Variants in PCDHA9 observed in about 807,000 individuals in gnomAD.
PCDHA9 encodes protocadherin alpha 9.
PCDHA9 carries 62 observed loss-of-function variants against 62.0 expected under a neutral mutation model. That is an observed-to-expected ratio of 1.00 (90% CI 0.81 to 1.23). The LOEUF (loss-of-function observed/expected upper bound fraction) is 1.23. PCDHA9 is among the 50% of genes most tolerant of loss of function. PCDHA9 has a pLI of 0.00. For missense variants in PCDHA9, 1,205 were observed against 1,249.8 expected (o/e 0.96, Z 0.54); for synonymous variants, 557 against 567.6 (o/e 0.98, Z 0.27).
At chr5:140,885,809 T>G (rs1208963596) in intron 1 of PCDHA9, among the ~76,000 whole-genome samples, 1 of 152,320 alleles carries the variant, frequency 6.6e-6, no homozygotes, top group African/African-American at 2.4e-5. Flanking sequence ...ATTTTGTTGA[T>G]TTGTATTTGA....
chr5:141,004,148 C>T (rs971282591), intron 3 of PCDHA9, among the ~76,000 whole-genome samples: 1 of 152,222 alleles, frequency 6.6e-6, no homozygotes, highest in African/African-American at 2.4e-5. Context: ...AAAGGCATGA[C>T]ATTTTATAGG....
chr5:140,998,442 T>G lies in PCDHA9; in HGVS notation c.2543-11185T>G, dbSNP rs368931467. On this transcript the variant is annotated intron_variant, in intron 3 of 3. Coordinates refer to ENST00000532602, the MANE Select transcript of PCDHA9 (RefSeq NM_031857.2). ...GGTTTATCCTTTAACACTATTATTGTATTTATTCATTTACTTGTCTTTTCC... is the reference window on the plus strand; with the variant it reads ...GGTTTATCCTTTAACACTATTATTGGATTTATTCATTTACTTGTCTTTTCC... 1.7e-4 allele frequency among the ~76,000 whole-genome samples: 26 copies of G among 152,352 alleles called. No individual in the cohort carries two copies. In the South Asian group the frequency reaches 5.2e-3, roughly 30 times the overall value.
chr5:140,877,521 AG>A, intron 1 of PCDHA9: 1 of 1,613,770 alleles, frequency 6.2e-7, no homozygotes, highest in African/African-American at 1.3e-5. Context: ...CGCGGGCCTC[AG>A]TGGGCGCTGT....
At chr5:140,889,456 T>A (rs1328565593) in intron 1 of PCDHA9, among the ~76,000 whole-genome samples, 1 of 152,126 alleles carries the variant, frequency 6.6e-6, no homozygotes, top group Admixed American at 6.5e-5. Flanking sequence ...TTAATCTAAA[T>A]TTTCAGTTAT....
At chr5:140,861,440 C>T (rs575320775) in intron 1 of PCDHA9, 3 of 493,406 alleles carry the variant, frequency 6.1e-6, no homozygotes, top group South Asian at 4.7e-5. Context: ...ATTCCAAAAG[C>T]CGCAGAAACC....
intron 1 of PCDHA9, among the ~76,000 whole-genome samples, chr5:140,936,121 G>C (rs1381895785): frequency 6.6e-6 from 1 of 152,068 alleles, no homozygotes; most frequent in Non-Finnish European, 1.5e-5. Flanking sequence ...TCGAACTCCT[G>C]ACCTTAAGTG....
rs572205670 is a variant in PCDHA9 at position 140,933,229 on chromosome 5, G to A, written c.2395-45720G>A. ...TACATGTCTGTTATATTGCATTTAT[G>A]AAAAAGAAAGGACTATAAACACAAA... On this transcript the variant is annotated intron_variant, in intron 1 of 3. Coordinates refer to ENST00000532602, the MANE Select transcript of PCDHA9 (RefSeq NM_031857.2). Among the ~76,000 whole-genome samples, 114 of 151,958 alleles carry A rather than the reference G, an allele frequency of 7.5e-4. 1 individual carries two copies. The highest frequency in any genetic ancestry group is 1.5e-3 in the Non-Finnish European group (99 of 67,810).
chr5:140,981,489 G>A (rs1554242906), intron 2 of PCDHA9, among the ~76,000 whole-genome samples: 1 of 152,194 alleles, frequency 6.6e-6, no homozygotes, highest in Non-Finnish European at 1.5e-5. Flanking sequence ...CAGGAGAATT[G>A]CTTGAACCTG....
chr5:140,875,783 T>C (rs782000038), intron 1 of PCDHA9: 4 of 1,614,050 alleles, frequency 2.5e-6, no homozygotes, highest in Non-Finnish European at 3.4e-6. Flanking sequence ...GAGTGCAGTA[T>C]CCACCTGGAG....
chr5:141,010,199 T>G lies in PCDHA9; in HGVS notation c.*262T>G. On this transcript the variant is annotated 3_prime_UTR_variant, in exon 4 of 4. Coordinates refer to ENST00000532602, the MANE Select transcript of PCDHA9 (RefSeq NM_031857.2). Reference sequence around the variant, plus strand: ...AAGCAGACCCAAGTTTCCTTTCTCCTCCGCCGCAAAGGAGAGGCTTCCCAG... The same window carrying G: ...AAGCAGACCCAAGTTTCCTTTCTCCGCCGCCGCAAAGGAGAGGCTTCCCAG... The G allele has an allele frequency of 1.3e-6, 2 of 1,551,990 alleles. No homozygotes were observed. Among genetic ancestry groups the G allele is most frequent in the South Asian group, 1.2e-5 (1 of 84,106 alleles).
In PCDHA9 at chr5:140,850,410, G is replaced by T. The variant is rs369126896; in HGVS notation, c.1915G>T (p.Glu639Ter). The T allele has an allele frequency of 6.3e-7, 1 of 1,597,934 alleles. No homozygotes were observed. The highest frequency in any genetic ancestry group is 1.7e-4 in the Middle Eastern group (1 of 5,990). ...GEISTTRALD[E>*]TDAPRQRLLV... ...GATCAGCACAACGCGTGCCCTGGAC[G>T]AAACGGACGCACCGCGCCAGCGCCT... Residue 639 changes from glutamate to a stop codon, truncating the protein, a stop_gained, in exon 1 of 4, where the codon GAA (glutamate) becomes TAA (stop). Coordinates refer to ENST00000532602, the MANE Select transcript of PCDHA9 (RefSeq NM_031857.2). LOFTEE classifies it high-confidence loss of function.
chr5:140,968,022 A>G (rs782399233), intron 1 of PCDHA9: 3 of 1,614,142 alleles, frequency 1.9e-6, no homozygotes, highest in South Asian at 2.2e-5. Flanking sequence ...GGAAACTCCT[A>G]TACACTGGTG....
intron 1 of PCDHA9, chr5:140,863,139 G>A (rs1554157817): frequency 3.3e-6 from 2 of 605,396 alleles, no homozygotes; most frequent in African/African-American, 3.7e-5. Flanking sequence ...GCCTGCTGGT[G>A]CTGGTGAAGG....
chr5:140,997,713 T>C (rs2097782364), intron 3 of PCDHA9, among the ~76,000 whole-genome samples: 1 of 151,942 alleles, frequency 6.6e-6, no homozygotes, highest in African/African-American at 2.4e-5. Flanking sequence ...AACAAACACC[T>C]TTCTACGTCA....
chr5:140,898,913 G>T (rs1554188302), intron 1 of PCDHA9, among the ~76,000 whole-genome samples: 1 of 152,066 alleles, frequency 6.6e-6, no homozygotes, highest in Non-Finnish European at 1.5e-5. Context: ...CACGTCCCTT[G>T]TAAGTTGGAT....
chr5:140,852,598 AT>A, intron 1 of PCDHA9: 1 of 898,436 alleles, frequency 1.1e-6, no homozygotes, highest in Non-Finnish European at 1.3e-6. Context: ...TTTTTTTGTC[AT>A]TTTCTTTCAA....
chr5:140,909,550 A>C (rs549281873), intron 1 of PCDHA9, among the ~76,000 whole-genome samples: 2 of 152,232 alleles, frequency 1.3e-5, no homozygotes, highest in East Asian at 3.9e-4. Context: ...GGTGGCACTA[A>C]TCTCTGCAAC....
intron 1 of PCDHA9, among the ~76,000 whole-genome samples, chr5:140,931,650 T>C (rs2087656696): frequency 6.6e-6 from 1 of 152,016 alleles, no homozygotes; most frequent in South Asian, 2.1e-4. Flanking sequence ...CTAATAATTG[T>C]TGTGGGCTGG....
intron 1 of PCDHA9, among the ~76,000 whole-genome samples, chr5:140,945,003 C>A (rs2093723763): frequency 6.6e-6 from 1 of 152,064 alleles, no homozygotes; most frequent in South Asian, 2.1e-4. Flanking sequence ...GGTTGTGGGT[C>A]ATGAATTATT....
Sources: gnomAD v4.1 joint callset for allele counts (sites outside exome capture counted in the v4.1 genomes callset) on GRCh38, gnomAD v4.1.1 for gene constraint, MANE v1.5 for transcripts, NCBI Gene and HGNC (gene_info 2026-07-23, HGNC 2026-07-21) for gene names.